The following AFG2A variants were observed in gnomAD, a reference collection of about 807,000 sequenced individuals.
AFG2A encodes AAA ATPase AFG2A, also known as ATPase family gene 2 protein homolog A.
At chr4:123,077,192 C>T in the AFG2A span, among the ~76,000 whole-genome samples, 19 of 151,766 alleles carry the variant, frequency 1.3e-4, no homozygotes, top group African/African-American at 3.9e-4. Context: ...GGGCTACAGG[C>T]GTATGCCACC....
chr4:123,010,693 C>G, the AFG2A span, among the ~76,000 whole-genome samples: 1 of 152,232 alleles, frequency 6.6e-6, no homozygotes, highest in Non-Finnish European at 1.5e-5. Flanking sequence ...TAGGTAATTT[C>G]TACCCTAAGA....
At chr4:122,996,706 T>C in the AFG2A span, among the ~76,000 whole-genome samples, 1 of 151,898 alleles carries the variant, frequency 6.6e-6, no homozygotes, top group African/African-American at 2.4e-5. Flanking sequence ...AAGCTGGAGA[T>C]GTAGGGAAGC....
At chr4:123,086,310 G>T in the AFG2A span, among the ~76,000 whole-genome samples, 1 of 152,052 alleles carries the variant, frequency 6.6e-6, no homozygotes, top group Non-Finnish European at 1.5e-5. Context: ...TTATACATTG[G>T]TGGGTTTTTT....
the AFG2A span, among the ~76,000 whole-genome samples, chr4:123,188,152 A>T: frequency 6.6e-6 from 1 of 152,076 alleles, no homozygotes; most frequent in Admixed American, 6.6e-5. Flanking sequence ...TAGGTAGACC[A>T]TATATATTTT....
At chr4:123,130,870 C>T in the AFG2A span, among the ~76,000 whole-genome samples, 1 of 152,020 alleles carries the variant, frequency 6.6e-6, no homozygotes, top group Non-Finnish European at 1.5e-5. Context: ...ATATTCCCAC[C>T]AACAATATAT....
chr4:122,930,383 T>G, the AFG2A span, among the ~76,000 whole-genome samples: 2 of 151,006 alleles, frequency 1.3e-5, no homozygotes, highest in African/African-American at 5.0e-5. Flanking sequence ...GTTTACATTA[T>G]ATGTGAGAAT....
chr4:122,982,898 C>T, the AFG2A span, among the ~76,000 whole-genome samples: 3 of 111,546 alleles, frequency 2.7e-5, no homozygotes, highest in South Asian at 3.1e-4. Flanking sequence ...GACGGAGTCT[C>T]GCTCTGTTAC....
At chr4:123,218,243 G>A in the AFG2A span, among the ~76,000 whole-genome samples, 1 of 152,120 alleles carries the variant, frequency 6.6e-6, no homozygotes, top group Non-Finnish European at 1.5e-5. Flanking sequence ...TATTTGTACT[G>A]GCTTATGTGC....
chr4:123,048,052 T>C, the AFG2A span, among the ~76,000 whole-genome samples: 1 of 152,186 alleles, frequency 6.6e-6, no homozygotes, highest in African/African-American at 2.4e-5. Flanking sequence ...GTGAAAAATG[T>C]GGATTTAGTT....
At chr4:123,034,457 G>A in the AFG2A span, among the ~76,000 whole-genome samples, 1 of 151,410 alleles carries the variant, frequency 6.6e-6, no homozygotes, top group Non-Finnish European at 1.5e-5. Context: ...CCTCAAAACT[G>A]TGAAGGTTAT....
At chr4:123,302,258 C>A in the AFG2A span, among the ~76,000 whole-genome samples, 2 of 152,174 alleles carry the variant, frequency 1.3e-5, no homozygotes, top group Non-Finnish European at 2.9e-5. Flanking sequence ...GTCCTCCTCT[C>A]CTCTTTGCCC....
the AFG2A span, among the ~76,000 whole-genome samples, chr4:123,050,321 C>T: frequency 6.6e-6 from 1 of 152,004 alleles, no homozygotes; most frequent in Non-Finnish European, 1.5e-5. Context: ...GTTAGGTCCA[C>T]TTGGTGTATA....
chr4:122,955,410 A>G, the AFG2A span, among the ~76,000 whole-genome samples: 1 of 152,202 alleles, frequency 6.6e-6, no homozygotes, highest in Non-Finnish European at 1.5e-5. Context: ...TCTTAATACA[A>G]TAAAAATATC....
At chr4:123,118,286 AATAT>A in the AFG2A span, among the ~76,000 whole-genome samples, 3 of 127,686 alleles carry the variant, frequency 2.3e-5, no homozygotes, top group East Asian at 6.3e-4. Context: ...TGCAAATATA[AATAT>A]ATGTTTATGT....
the AFG2A span, among the ~76,000 whole-genome samples, chr4:123,276,176 A>T: frequency 6.6e-6 from 1 of 151,918 alleles, no homozygotes; most frequent in African/African-American, 2.4e-5. Context: ...AATAATAGCC[A>T]CTCTGACTGG....
chr4:122,987,769 C>T, the AFG2A span, among the ~76,000 whole-genome samples: 1 of 151,984 alleles, frequency 6.6e-6, no homozygotes, highest in East Asian at 1.9e-4. Context: ...GTTGTGTATC[C>T]CCTAACAAAT....
At chr4:123,006,002 T>C in the AFG2A span, among the ~76,000 whole-genome samples, 4 of 152,190 alleles carry the variant, frequency 2.6e-5, no homozygotes, top group Non-Finnish European at 4.4e-5. Context: ...CTTTAGTCTT[T>C]TGTGTAGATT....
chr4:123,147,070 T>C, the AFG2A span, among the ~76,000 whole-genome samples: 2 of 152,180 alleles, frequency 1.3e-5, no homozygotes, highest in Non-Finnish European at 1.5e-5. Flanking sequence ...TTTTATATTA[T>C]ATATTTGTGT....
At chr4:123,171,523 A>G in the AFG2A span, among the ~76,000 whole-genome samples, 3 of 152,086 alleles carry the variant, frequency 2.0e-5, no homozygotes, top group African/African-American at 7.2e-5. Flanking sequence ...AAATTTGTTT[A>G]TACACACACA....
Sources: gnomAD v4.1 joint callset for allele counts (sites outside exome capture counted in the v4.1 genomes callset) on GRCh38, gnomAD v4.1.1 for gene constraint, MANE v1.5 for transcripts, NCBI Gene and HGNC (gene_info 2026-07-23, HGNC 2026-07-21) for gene names.